The following NRXN1 variants were observed in gnomAD, a reference collection of about 807,000 sequenced individuals.
The protein encoded by NRXN1 is neurexin 1, also known as neurexin-1.
NRXN1 carries 39 observed loss-of-function variants against 150.9 expected under a neutral mutation model. That is an observed-to-expected ratio of 0.26 (90% CI 0.20 to 0.34). NRXN1 has a LOEUF of 0.34. NRXN1 is among the 10% of genes least tolerant of loss of function. The pLI is 1.00. For missense variants in NRXN1, 1,815 were observed against 1,949.9 expected (o/e 0.93, Z 1.30); for synonymous variants, 924 against 757.0 (o/e 1.22, Z -3.62).
intron 18 of NRXN1, among the ~76,000 whole-genome samples, chr2:50,139,743 C>T (rs1053619931): frequency 4.6e-5 from 7 of 152,038 alleles, no homozygotes; most frequent in African/African-American, 9.7e-5. Context: ...TCTTCTTACT[C>T]GACTAGTCAC....
chr2:50,440,329 G>A (rs1010304669), intron 17 of NRXN1, among the ~76,000 whole-genome samples: 8 of 152,086 alleles, frequency 5.3e-5, no homozygotes, highest in African/African-American at 1.2e-4. Context: ...ATGGGATGCC[G>A]AGAGTATGTA....
intron 5 of NRXN1, among the ~76,000 whole-genome samples, chr2:50,668,169 C>T (rs1046218167): frequency 6.6e-6 from 1 of 151,962 alleles, no homozygotes; most frequent in Non-Finnish European, 1.5e-5. Context: ...CAGGGTCACA[C>T]TTGATTATCC....
At chr2:50,951,217 G>C (rs1288039351) in intron 2 of NRXN1, among the ~76,000 whole-genome samples, 1 of 152,146 alleles carries the variant, frequency 6.6e-6, no homozygotes, top group Non-Finnish European at 1.5e-5. Flanking sequence ...GAGATGAGAG[G>C]AGATGAGATG....
chr2:50,267,026 A>G (rs2068979947), intron 17 of NRXN1, among the ~76,000 whole-genome samples: 1 of 152,220 alleles, frequency 6.6e-6, no homozygotes, highest in African/African-American at 2.4e-5. Flanking sequence ...CATGCCTCAG[A>G]AAAGAACTGC....
intron 9 of NRXN1, among the ~76,000 whole-genome samples, chr2:50,549,604 T>C (rs900765068): frequency 1.3e-5 from 2 of 152,208 alleles, no homozygotes; most frequent in African/African-American, 4.8e-5. Context: ...CGTGTTTCTG[T>C]TCTTCCCATA....
At chr2:50,360,848 ACCAC>A (rs1329253886) in intron 17 of NRXN1, among the ~76,000 whole-genome samples, 2 of 152,218 alleles carry the variant, frequency 1.3e-5, no homozygotes, top group Non-Finnish European at 2.9e-5. Flanking sequence ...TCTAAAATTT[ACCAC>A]ATAATTGGAA....
intron 21 of NRXN1, among the ~76,000 whole-genome samples, chr2:49,950,231 T>G (rs574448049): frequency 6.6e-6 from 1 of 151,954 alleles, no homozygotes; most frequent in Admixed American, 6.6e-5. Context: ...AAATTGGCAA[T>G]TTCAGTTAAT....
chr2:50,953,702 T>C (rs1367390053), intron 2 of NRXN1, among the ~76,000 whole-genome samples: 1 of 151,828 alleles, frequency 6.6e-6, no homozygotes. Context: ...GCTGTGATTA[T>C]AAGTACCCGC....
chr2:50,550,497 G>A (rs1667280152), intron 9 of NRXN1, among the ~76,000 whole-genome samples: 2 of 151,792 alleles, frequency 1.3e-5, no homozygotes, highest in South Asian at 4.2e-4. Context: ...ATATTTCAAA[G>A]CACTACATAA....
chr2:50,623,262 C>T lies in NRXN1; in HGVS notation c.1134+52G>A, dbSNP rs1041726990. 69 of 1,447,888 alleles carry T rather than the reference C, an allele frequency of 4.8e-5. No individual in the cohort carries two copies. In the Middle Eastern group the frequency reaches 1.2e-3, roughly 26 times the overall value. The allele number at this position is 1,447,888 out of a possible 1,614,324, so 89.7% of individuals were successfully genotyped here. A position where few individuals can be genotyped will look rare whatever the true frequency, so the allele number is the denominator to read the frequency against. The stretch of plus-strand genomic sequence containing the variant: ...TTAGAGTATTTAAGTACCACACACA[C>T]AGCTATAGCGAGAAACAAAGCCAGT... On this transcript the variant is annotated intron_variant, in intron 6 of 22. Coordinates refer to ENST00000401669, the MANE Select transcript of NRXN1 (RefSeq NM_001330078.2).
intron 17 of NRXN1, among the ~76,000 whole-genome samples, chr2:50,326,815 A>G (rs1558530246): frequency 6.6e-6 from 1 of 152,226 alleles, no homozygotes; most frequent in Non-Finnish European, 1.5e-5. Context: ...GAGCACACCT[A>G]TGGTGCAATT....
At chr2:50,939,197 C>A (rs111529704) in intron 2 of NRXN1, among the ~76,000 whole-genome samples, 1 of 110,424 alleles carries the variant, frequency 9.1e-6, no homozygotes, top group Non-Finnish European at 1.6e-5. Flanking sequence ...GGCAACAGAG[C>A]GAGACTCCAT....
In NRXN1 at chr2:50,347,540, C is replaced by A. The variant is rs1168285948; in HGVS notation, c.3365-110570G>T. On this transcript the variant is annotated intron_variant, in intron 17 of 22. Transcript: ENST00000401669. The surrounding 1 kb of genome is among the most constrained non-coding windows in gnomAD (Gnocchi z 4.9). ...GCTCGCCCGCTAGCGCCAGCCTCCCCCGGGCAGCGCGCGGAGCAGCGGCGC... is the reference window on the plus strand; with the variant it reads ...GCTCGCCCGCTAGCGCCAGCCTCCCACGGGCAGCGCGCGGAGCAGCGGCGC... The A allele has an allele frequency of 1.2e-5, 13 of 1,043,978 alleles. No individual in the cohort carries two copies. In the African/African-American group the frequency reaches 2.3e-4, roughly 18 times the overall value. 64.7% of individuals were successfully genotyped at this position (1,043,978 alleles called of 1,614,324 possible). A position where few individuals can be genotyped will look rare whatever the true frequency, so the allele number is the denominator to read the frequency against.
In NRXN1 at chr2:50,329,657, A is replaced by T. The variant is rs1372922976; in HGVS notation, c.3365-92687T>A. On this transcript the variant is annotated intron_variant, in intron 17 of 22. Transcript: ENST00000401669. ...TATATATATATATATATATATATAT[A>T]TATATATATATATATATTTTTTTTT... Among the ~76,000 whole-genome samples the T allele has an allele frequency of 7.9e-3, 138 of 17,400 alleles. 7 individuals are homozygous for T. The highest frequency in any genetic ancestry group is 0.035 in the African/African-American group (124 of 3,530). The allele number at this position is 17,400 out of a possible 152,430, so 11.4% of individuals were successfully genotyped here. A position where few individuals can be genotyped will look rare whatever the true frequency, so the allele number is the denominator to read the frequency against.
intron 17 of NRXN1, among the ~76,000 whole-genome samples, chr2:50,372,542 C>T (rs1394381113): frequency 1.3e-5 from 2 of 151,920 alleles, no homozygotes; most frequent in African/African-American, 2.4e-5. Flanking sequence ...AGTACTTTGC[C>T]CAGAGGTTGA....
At chr2:50,375,124 G>T (rs571095384) in intron 17 of NRXN1, among the ~76,000 whole-genome samples, 7 of 152,186 alleles carry the variant, frequency 4.6e-5, no homozygotes, top group Non-Finnish European at 8.8e-5. Context: ...TTGCATTCAT[G>T]ATATATTGGA....
intron 18 of NRXN1, chr2:50,175,081 G>A (rs1339060490): frequency 6.6e-6 from 1 of 152,072 alleles, no homozygotes; most frequent in African/African-American, 2.4e-5. Context: ...CATAATAGTA[G>A]GTGTTCGAGC....
intron 18 of NRXN1, among the ~76,000 whole-genome samples, chr2:50,177,172 G>A (rs893571494): frequency 6.6e-6 from 1 of 151,982 alleles, no homozygotes; most frequent in African/African-American, 2.4e-5. Flanking sequence ...GTGTAATAGC[G>A]GGGATTGGGT....
At chr2:50,269,003 C>A (rs2069234193) in intron 17 of NRXN1, among the ~76,000 whole-genome samples, 1 of 152,100 alleles carries the variant, frequency 6.6e-6, no homozygotes, top group African/African-American at 2.4e-5. Flanking sequence ...TTCTGATTAT[C>A]AGATAAGAGT....
Sources: allele counts gnomAD v4.1 joint callset (sites outside exome capture counted in the v4.1 genomes callset), GRCh38; gene constraint gnomAD v4.1.1; non-coding constraint Gnocchi (gnomAD v3.1); transcripts MANE v1.5; gene names NCBI Gene and HGNC (gene_info 2026-07-23, HGNC 2026-07-21).